The following HPCAL1 variants were observed in gnomAD, a reference collection of about 807,000 sequenced individuals.
HPCAL1 encodes hippocalcin-like protein 1.
HPCAL1 carries 8 observed loss-of-function variants against 17.1 expected under a neutral mutation model. The ratio of observed to expected loss-of-function variants is 0.47; its 90% CI spans 0.27 to 0.84. HPCAL1 has a LOEUF of 0.84. Ranked by LOEUF, HPCAL1 falls within the 40% of genes least tolerant of loss-of-function variation. The probability of loss-of-function intolerance (pLI) is 0.13; values close to 1 mark genes in which losing one functional copy is unlikely to be tolerated. For synonymous variants in HPCAL1, 112 were observed against 111.4 expected (o/e 1.01, Z -0.03); for missense variants, 165 against 271.1 (o/e 0.61, Z 2.75).
chr2:10,417,318 G>A (rs184688892), intron 2 of HPCAL1, among the ~76,000 whole-genome samples: 1 of 151,042 alleles, frequency 6.6e-6, no homozygotes, highest in South Asian at 2.1e-4. Flanking sequence ...AGCTGAGATC[G>A]CTCCATTGCA....
chr2:10,311,886 A>G (rs1662984471), intron 1 of HPCAL1, among the ~76,000 whole-genome samples: 2 of 151,026 alleles, frequency 1.3e-5, no homozygotes, highest in African/African-American at 4.9e-5. Flanking sequence ...CATCATTACC[A>G]TCATCATTGC....
In HPCAL1 at chr2:10,406,087, T is replaced by C. The variant is rs376160526; in HGVS notation, c.-25+9167T>C. Among the ~76,000 whole-genome samples the C allele has an allele frequency of 4.2e-4, 64 of 152,338 alleles. No homozygotes were observed. In the Middle Eastern group the frequency reaches 0.014, roughly 32 times the overall value. On this transcript the variant is annotated intron_variant, in intron 2 of 4. Coordinates refer to ENST00000307845, the MANE Select transcript of HPCAL1 (RefSeq NM_002149.4). ...TCACCCCTCCTTGCTGTCATCAACA[T>C]GCGTTCTCCTACAGTCATGCTCCGC...
intron 2 of HPCAL1, among the ~76,000 whole-genome samples, chr2:10,414,842 C>T (rs1308416059): frequency 6.6e-6 from 1 of 152,170 alleles, no homozygotes; most frequent in African/African-American, 2.4e-5. Flanking sequence ...AGAACACAGC[C>T]TTCTCACGTA....
rs1399000139 is a variant in HPCAL1, at chr2:10,323,152, T to C, written c.-111+19975T>C. On this transcript the variant is annotated intron_variant, in intron 1 of 4. Transcript: ENST00000307845. The surrounding 1 kb of genome is among the most constrained non-coding windows in gnomAD (Gnocchi z 4.6). ...TCATGGCATGTTTCCAGCACAACTC[T>C]CTGACCTGGCTCCCCCGGTTCCCCA... is the stretch of plus-strand genomic sequence containing the variant. 6.6e-6 allele frequency among the ~76,000 whole-genome samples: 1 copy of C among 152,190 alleles called. No individual in the cohort carries two copies. The highest frequency in any genetic ancestry group is 2.4e-5 in the African/African-American group (1 of 41,450).
rs1662494770 is a variant in HPCAL1 at position 10,304,530 on chromosome 2, A to G, written c.-111+1353A>G. On this transcript the variant is annotated intron_variant, in intron 1 of 4. Coordinates refer to ENST00000307845, the MANE Select transcript of HPCAL1 (RefSeq NM_002149.4). This position sits in a 1 kb window ranked among gnomAD's most constrained non-coding sequence, Gnocchi z 4.1. ...TCCCTGCTCCCTTGCAGCCAGCCTC[A>G]TGCCGGGGGTGCCACATGGGACACC... 6.6e-6 allele frequency among the ~76,000 whole-genome samples: 1 copy of G among 152,122 alleles called. No individual in the cohort carries two copies. The highest frequency in any genetic ancestry group is 2.1e-4 in the South Asian group (1 of 4,828).
At chr2:10,420,209 CT>C (rs369044166) in intron 3 of HPCAL1, 74 bp downstream of exon 3, 59,470 of 557,050 alleles carry the variant, frequency 0.11, 1 homozygote, top group Middle Eastern at 0.14. Context: ...CAGCCCAGGG[CT>C]TTTTTTTTTT....
intron 1 of HPCAL1, among the ~76,000 whole-genome samples, chr2:10,341,800 A>T (rs1407769319): frequency 1.3e-5 from 2 of 152,138 alleles, no homozygotes; most frequent in African/African-American, 4.8e-5. Flanking sequence ...CCTGATTACC[A>T]CGGGAAAAAT....
intron 1 of HPCAL1, among the ~76,000 whole-genome samples, chr2:10,385,360 A>G (rs143897461): frequency 3.1e-5 from 2 of 65,332 alleles, no homozygotes; most frequent in Non-Finnish European, 5.6e-5. Context: ...CTTGTCGGGA[A>G]TGCAGGGCTG....
In HPCAL1 at chr2:10,420,606, G is replaced by A. The variant is rs77224634; in HGVS notation, c.378+471G>A. 3.9e-5 allele frequency among the ~76,000 whole-genome samples: 6 copies of A among 152,292 alleles called. No homozygotes were observed. In the East Asian group the frequency reaches 9.7e-4, roughly 25 times the overall value. On this transcript the variant is annotated intron_variant, in intron 3 of 4. Transcript: ENST00000307845. ...ACCTGATTGGGCAGACCCTTGCAAA[G>A]GGCAATGGTAAAAGCCAATGTTTAT...
At chr2:10,345,531 A>T (rs2125451167) in intron 1 of HPCAL1, among the ~76,000 whole-genome samples, 1 of 149,628 alleles carries the variant, frequency 6.7e-6, no homozygotes, top group African/African-American at 2.5e-5. Context: ...ATCTTGGCCT[A>T]CTGCAACCTT....
intron 1 of HPCAL1, among the ~76,000 whole-genome samples, chr2:10,391,896 G>T (rs182618926): frequency 6.6e-6 from 1 of 152,126 alleles, no homozygotes; most frequent in East Asian, 1.9e-4. Context: ...TTACAGGCGC[G>T]TGCCACCACA....
chr2:10,326,323 G>T (rs1664015474), intron 1 of HPCAL1, among the ~76,000 whole-genome samples: 1 of 152,254 alleles, frequency 6.6e-6, no homozygotes, highest in Non-Finnish European at 1.5e-5. Flanking sequence ...GTCAGCCCCA[G>T]TGAGGTGACA....
In HPCAL1 at chr2:10,426,861, G is replaced by C. The variant is rs760514184; in HGVS notation, c.*40G>C. 1 of 1,544,546 alleles carries C rather than the reference G, an allele frequency of 6.5e-7. No homozygotes were observed. Among genetic ancestry groups the C allele is most frequent in the African/African-American group, 1.4e-5 (1 of 73,592 alleles). On this transcript the variant is annotated 3_prime_UTR_variant, in exon 5 of 5. Coordinates refer to ENST00000307845, the MANE Select transcript of HPCAL1 (RefSeq NM_002149.4). ...GACAGTTGCAGAGAAACACAGGCTT[G>C]TCGTGCCGTTTAAGCTTTGCTTGCA...
chr2:10,362,717 C>G lies in HPCAL1; in HGVS notation c.-110-34118C>G, dbSNP rs1666597051. On this transcript the variant is annotated intron_variant, in intron 1 of 4. Coordinates refer to ENST00000307845, the MANE Select transcript of HPCAL1 (RefSeq NM_002149.4). This position sits in a 1 kb window ranked among gnomAD's most constrained non-coding sequence, Gnocchi z 5.0. Reference sequence around the variant, plus strand: ...GCCATCCCAAATGCGAGTCTGTTCACAGAGGGGCTCTCCTGGCACCTTCCC... The same window carrying G: ...GCCATCCCAAATGCGAGTCTGTTCAGAGAGGGGCTCTCCTGGCACCTTCCC... 6.6e-6 allele frequency among the ~76,000 whole-genome samples: 1 copy of G among 152,238 alleles called. No individual in the cohort carries two copies. Among genetic ancestry groups the G allele is most frequent in the African/African-American group, 2.4e-5 (1 of 41,464 alleles).
In HPCAL1 at chr2:10,377,122, T is replaced by C. The variant is rs1209660168; in HGVS notation, c.-110-19713T>C. On this transcript the variant is annotated intron_variant, in intron 1 of 4. Transcript: ENST00000307845. The surrounding 1 kb of genome is among the most constrained non-coding windows in gnomAD (Gnocchi z 5.9). ...GCCCAAATTTGAAGGCAGTACTCTG[T>C]TCCTGGGTGTGCACCGTTAACTTCT... Among the ~76,000 whole-genome samples, 1 of 152,204 alleles carries C rather than the reference T, an allele frequency of 6.6e-6. No homozygotes were observed. Among genetic ancestry groups the C allele is most frequent in the African/African-American group, 2.4e-5 (1 of 41,446 alleles).
intron 2 of HPCAL1, among the ~76,000 whole-genome samples, chr2:10,401,407 T>C (rs1669602990): frequency 6.6e-6 from 1 of 152,168 alleles, no homozygotes; most frequent in Admixed American, 6.5e-5. Context: ...ATATCTGTTC[T>C]TTTGGGTGTT....
intron 2 of HPCAL1, among the ~76,000 whole-genome samples, chr2:10,418,290 C>T (rs1378875599): frequency 7.0e-6 from 1 of 142,202 alleles, no homozygotes; most frequent in East Asian, 2.1e-4. Context: ...AATAAATAGC[C>T]AGGTGTGGTG....
intron 2 of HPCAL1, among the ~76,000 whole-genome samples, chr2:10,406,110 C>T (rs3755264): frequency 0.26 from 39,201 of 152,114 alleles, 5,381 homozygotes; most frequent in South Asian, 0.43. Flanking sequence ...AGTCATGCTC[C>T]GCGCTAATTC....
chr2:10,387,285 T>G (rs1449252294), intron 1 of HPCAL1, among the ~76,000 whole-genome samples: 1 of 152,136 alleles, frequency 6.6e-6, no homozygotes, highest in Non-Finnish European at 1.5e-5. Flanking sequence ...GGAGGAGCAG[T>G]GGGATGCCCA....
Sources: gnomAD v4.1 joint callset for allele counts (sites outside exome capture counted in the v4.1 genomes callset) on GRCh38, gnomAD v4.1.1 for gene constraint, Gnocchi (gnomAD v3.1) non-coding constraint, MANE v1.5 for transcripts, NCBI Gene and HGNC (gene_info 2026-07-23, HGNC 2026-07-21) for gene names.